Variants in TMX4 observed in about 807,000 individuals in gnomAD.
TMX4 encodes the protein thioredoxin related transmembrane protein 4.
In TMX4, 23 loss-of-function variants were observed where a neutral mutation model predicts 33.3. The observed-to-expected ratio is 0.69, with a 90% confidence interval of 0.50 to 0.98. TMX4 has a LOEUF of 0.98. Ranked by LOEUF, TMX4 falls within the 50% of genes least tolerant of loss-of-function variation. TMX4 has a pLI of 0.00. For synonymous variants in TMX4, 164 were observed against 161.5 expected (o/e 1.02, Z -0.12); for missense variants, 399 against 448.9 (o/e 0.89, Z 1.01).
intron 5 of TMX4, among the ~76,000 whole-genome samples, chr20:7,994,827 C>A (rs1568535319): frequency 6.6e-6 from 1 of 152,044 alleles, no homozygotes; most frequent in African/African-American, 2.4e-5. Flanking sequence ...TTTCAATTCC[C>A]AGTTTGCAAT....
chr20:7,994,310 A>T (rs189393393), intron 5 of TMX4, among the ~76,000 whole-genome samples: 1 of 152,322 alleles, frequency 6.6e-6, no homozygotes, highest in African/African-American at 2.4e-5. Context: ...TCTGTTCTCC[A>T]AACGGCTCTT....
At chr20:8,010,617 C>T (rs1292189631) in intron 1 of TMX4, among the ~76,000 whole-genome samples, 1 of 152,034 alleles carries the variant, frequency 6.6e-6, no homozygotes, top group South Asian at 2.1e-4. Flanking sequence ...CTCCAGATAG[C>T]TTTTGATCTT....
rs2050675695 is a variant in TMX4 at position 7,996,206 on chromosome 20, T to C, written c.468-135A>G. ...CCCCCTCTCCCAGATTCATATCTGT[T>C]CTTACAGAGCTTAGATTCAGTGGCT... On this transcript the variant is annotated intron_variant, in intron 4 of 7. Coordinates refer to ENST00000246024, the MANE Select transcript of TMX4 (RefSeq NM_021156.4). 9.3e-6 allele frequency: 6 copies of C among 647,396 alleles called. No homozygotes were observed. In the South Asian group the frequency reaches 1.3e-4, roughly 14 times the overall value. The allele number at this position is 647,396 out of a possible 1,614,324, so 40.1% of individuals were successfully genotyped here. A position where few individuals can be genotyped will look rare whatever the true frequency, so the allele number is the denominator to read the frequency against.
At chr20:8,018,386 G>GTCTC (rs2050787453) in intron 1 of TMX4, among the ~76,000 whole-genome samples, 1 of 57,758 alleles carries the variant, frequency 1.7e-5, no homozygotes, top group African/African-American at 1.0e-4. Flanking sequence ...AGGAGAGAGA[G>GTCTC]AGAGAGGGAG....
At chr20:8,019,263 G>A (rs1418464592) in intron 1 of TMX4, 175 bp downstream of exon 1, 4 of 728,976 alleles carry the variant, frequency 5.5e-6, no homozygotes, top group Non-Finnish European at 8.3e-6. Context: ...CGAGCCCAGC[G>A]GCAGTGCAGG....
rs766340621 is a variant in TMX4 at position 8,001,471 on chromosome 20, A to G, written c.338+25T>C. 4 of 1,575,362 alleles carry G rather than the reference A, an allele frequency of 2.5e-6. No individual in the cohort carries two copies. In the Admixed American group the frequency reaches 5.3e-5, roughly 21 times the overall value. On this transcript the variant is annotated intron_variant, in intron 3 of 7. Coordinates refer to ENST00000246024, the MANE Select transcript of TMX4 (RefSeq NM_021156.4). ...CATCTATTGATTTCTAATATTTGCA[A>G]GATTAGAAGATTATTTAAACTTACT...
At chr20:7,993,107 T>C (rs1425584135) in intron 5 of TMX4, among the ~76,000 whole-genome samples, 2 of 152,234 alleles carry the variant, frequency 1.3e-5, no homozygotes, top group African/African-American at 4.8e-5. Context: ...GACTGATTTC[T>C]ATCTGTACAT....
In TMX4 at chr20:8,010,235, A is replaced by T; in HGVS notation, c.257T>A (p.Ile86Asn). Residue 86 changes from isoleucine to asparagine, a missense_variant, in exon 2 of 8, where the codon ATC becomes AAC. Transcript: ENST00000246024. ...AATGACATCTACCTTCCCCACACTG[A>T]TCTGAAGTATTTCACCATTCTTTGC... ...AFAKNGEILQISVGKVDVIQE... is the reference protein window; with the variant it reads ...AFAKNGEILQNSVGKVDVIQE... 1 of 1,611,952 alleles carries T rather than the reference A, an allele frequency of 6.2e-7. No homozygotes were observed. The highest frequency in any genetic ancestry group is 8.5e-7 in the Non-Finnish European group (1 of 1,178,478).
chr20:8,019,072 T>C (rs2294249), intron 1 of TMX4: 38,701 of 467,000 alleles, frequency 0.083, 3,240 homozygotes, highest in East Asian at 0.53. Flanking sequence ...CAGATTTTCT[T>C]CCTTCCCTTC....
chr20:8,009,861 T>TAAAAAAAAAA (rs11289988), intron 2 of TMX4, among the ~76,000 whole-genome samples: 6 of 84,596 alleles, frequency 7.1e-5, no homozygotes, highest in African/African-American at 1.4e-4. Context: ...CAAAAAACTG[T>TAAAAAAAAAA]AAAAAAAAAA....
intron 1 of TMX4, among the ~76,000 whole-genome samples, chr20:8,011,914 C>T (rs567790852): frequency 2.1e-4 from 32 of 152,206 alleles, no homozygotes; most frequent in Admixed American, 3.9e-4. Flanking sequence ...TTTAAACCTT[C>T]GTGTCTCTGT....
chr20:8,017,598 T>C (rs1253033549), intron 1 of TMX4, among the ~76,000 whole-genome samples: 1 of 152,204 alleles, frequency 6.6e-6, no homozygotes, highest in Non-Finnish European at 1.5e-5. Flanking sequence ...GTTGAAGTCA[T>C]TAAAAATGAG....
chr20:7,982,987 C>G (rs923193572), intron 7 of TMX4, among the ~76,000 whole-genome samples: 3 of 152,138 alleles, frequency 2.0e-5, no homozygotes, highest in African/African-American at 7.2e-5. Context: ...GGTTCTGGGC[C>G]AGAGTCAGGA....
At chr20:8,012,531 A>G (rs899081479) in intron 1 of TMX4, among the ~76,000 whole-genome samples, 5 of 152,152 alleles carry the variant, frequency 3.3e-5, no homozygotes, top group African/African-American at 1.2e-4. Flanking sequence ...GTCAAGGAAT[A>G]TAAAACTTCA....
intron 5 of TMX4, among the ~76,000 whole-genome samples, chr20:7,988,218 T>C (rs139166543): frequency 1.1e-3 from 165 of 152,286 alleles, no homozygotes; most frequent in African/African-American, 3.5e-3. Context: ...AAAATGGCCA[T>C]TAAAATTCAA....
At position 8,019,488 on chromosome 20, in the gene TMX4, C is replaced by T; in HGVS notation, c.126G>A (p.Met42Ile). 1.3e-6 allele frequency: 2 copies of T among 1,514,636 alleles called. No homozygotes were observed. Among genetic ancestry groups the T allele is most frequent in the African/African-American group, 1.5e-5 (1 of 68,954 alleles). The allele number at this position is 1,514,636 out of a possible 1,614,324, so 93.8% of individuals were successfully genotyped here. A position where few individuals can be genotyped will look rare whatever the true frequency, so the allele number is the denominator to read the frequency against. The change falls in exon 1 of 8, where the codon ATG becomes ATA. Residue 42 changes from methionine (M) to isoleucine (I), a missense_variant. Coordinates refer to ENST00000246024, the MANE Select transcript of TMX4 (RefSeq NM_021156.4). Reference protein sequence around the residue: ...LPPEQSRVQPMTASNWTLVME... With the variant: ...LPPEQSRVQPITASNWTLVME... ...TCACCAGCGTCCAGTTGGAGGCGGT[C>T]ATGGGCTGGACCCGGCTCTGCTCCG...
At chr20:8,017,070 A>G (rs898432844) in intron 1 of TMX4, among the ~76,000 whole-genome samples, 6 of 152,220 alleles carry the variant, frequency 3.9e-5, no homozygotes, top group East Asian at 1.9e-4. Context: ...TATGGAGGAT[A>G]TAATGAATTT....
At chr20:8,018,740 C>T (rs1426486838) in intron 1 of TMX4, 2 of 189,914 alleles carry the variant, frequency 1.1e-5, no homozygotes, top group East Asian at 3.7e-4. Context: ...AGGGGCAATG[C>T]GTATCTTCTT....
intron 4 of TMX4, among the ~76,000 whole-genome samples, chr20:7,999,293 T>C (rs149002931): frequency 2.0e-5 from 3 of 152,230 alleles, no homozygotes; most frequent in Non-Finnish European, 2.9e-5. Context: ...CTGTGGTATT[T>C]TGCGAGGCAG....
Sources: gnomAD v4.1 joint callset for allele counts (sites outside exome capture counted in the v4.1 genomes callset) on GRCh38, gnomAD v4.1.1 for gene constraint, MANE v1.5 for transcripts, NCBI Gene and HGNC (gene_info 2026-07-23, HGNC 2026-07-21) for gene names.